The following ASTN2 variants were observed in gnomAD, a reference collection of about 807,000 sequenced individuals.
ASTN2 encodes the protein astrotactin 2.
A neutral mutation model predicts 139.8 loss-of-function variants in ASTN2; 54 were observed. The observed-to-expected ratio is 0.39, with a 90% CI of 0.31 to 0.48. The LOEUF (loss-of-function observed/expected upper bound fraction) is 0.48, where lower values mean the gene tolerates loss of function less well. Among genes scored for constraint, ASTN2 ranks in the 20% least tolerant of loss-of-function variants. The pLI is 0.95. For synonymous variants in ASTN2, 756 were observed against 719.5 expected (o/e 1.05, Z -0.81); for missense variants, 1,565 against 1,725.1 (o/e 0.91, Z 1.64).
intron 3 of ASTN2, among the ~76,000 whole-genome samples, chr9:117,188,575 G>C (rs1186948199): frequency 6.6e-6 from 1 of 152,126 alleles, no homozygotes; most frequent in Non-Finnish European, 1.5e-5. Context: ...AAACATCGTA[G>C]CTGGGAACTC....
In ASTN2 at chr9:116,699,389, C is replaced by G; in HGVS notation, c.2806+26382G>C. On this transcript the variant is annotated intron_variant, in intron 16 of 22. Transcript: ENST00000313400. The surrounding 1 kb of genome is among the most constrained non-coding windows in gnomAD (Gnocchi z 4.2). ...AGAATGAGCACCACCTGGAGGGTGG[C>G]TTTTCCATTGGCTCTGTAGGCCCTG... 6.2e-7 allele frequency: 1 copy of G among 1,614,170 alleles called. No homozygotes were observed. Among genetic ancestry groups the G allele is most frequent in the Middle Eastern group, 1.6e-4 (1 of 6,062 alleles).
intron 4 of ASTN2, among the ~76,000 whole-genome samples, chr9:117,097,372 C>A (rs1828866327): frequency 6.6e-6 from 1 of 152,178 alleles, no homozygotes; most frequent in South Asian, 2.1e-4. Context: ...TTATTGTTAT[C>A]TTTGTGCTTT....
intron 1 of ASTN2, among the ~76,000 whole-genome samples, chr9:117,411,446 C>CAAAAA (rs199996219): frequency 4.4e-4 from 19 of 43,226 alleles, no homozygotes; most frequent in African/African-American, 8.7e-4. Context: ...AAAGGATCTG[C>CAAAAA]AAAAAAAAAA....
At chr9:116,751,663 G>A (rs1469402157) in intron 13 of ASTN2, among the ~76,000 whole-genome samples, 3 of 152,056 alleles carry the variant, frequency 2.0e-5, no homozygotes, top group South Asian at 4.1e-4. Flanking sequence ...ATTATGACAA[G>A]CTTGTAGGAT....
At chr9:116,569,198 C>G (rs4836765) in intron 19 of ASTN2, among the ~76,000 whole-genome samples, 24,216 of 152,124 alleles carry the variant, frequency 0.16, 2,103 homozygotes, top group African/African-American at 0.21. Flanking sequence ...AGACGGGCCT[C>G]GTTTGCATGC....
chr9:117,113,144 T>C (rs573337320), intron 4 of ASTN2, among the ~76,000 whole-genome samples: 2 of 152,284 alleles, frequency 1.3e-5, no homozygotes, highest in South Asian at 2.1e-4. Context: ...GATGAAAACA[T>C]GCATCATGTA....
intron 2 of ASTN2, among the ~76,000 whole-genome samples, chr9:117,219,980 G>A (rs1206986820): frequency 6.6e-6 from 1 of 152,164 alleles, no homozygotes; most frequent in East Asian, 1.9e-4. Flanking sequence ...GCTGTGACAA[G>A]TTCATTACAT....
chr9:117,012,128 T>G (rs6478270), intron 6 of ASTN2, among the ~76,000 whole-genome samples: 2,868 of 152,176 alleles, frequency 0.019, 85 homozygotes, highest in African/African-American at 0.066. Flanking sequence ...CATGCTTGAC[T>G]AGAGGGAAGT....
chr9:116,547,106 C>T (rs1587978396), intron 19 of ASTN2, among the ~76,000 whole-genome samples: 1 of 152,152 alleles, frequency 6.6e-6, no homozygotes, highest in African/African-American at 2.4e-5. Context: ...CCTCCCCTTC[C>T]ACTCCTCCAC....
At chr9:117,161,682 C>T (rs4535814) in intron 3 of ASTN2, among the ~76,000 whole-genome samples, 26 of 152,158 alleles carry the variant, frequency 1.7e-4, no homozygotes, top group African/African-American at 6.0e-4. Flanking sequence ...GCATGAACCC[C>T]TGTGCAGGCT....
rs538453745 is a variant in ASTN2 at position 116,779,320 on chromosome 9, G to T, written c.2396+26312C>A. On this transcript the variant is annotated intron_variant, in intron 13 of 22. Coordinates refer to ENST00000313400, the MANE Select transcript of ASTN2 (RefSeq NM_001365068.1). ...CCTTTTTTCCCCTTCTGTCCCTTTT[G>T]CCAGGTGAGGACACAGCATCCCTTT... Among the ~76,000 whole-genome samples, 18 of 152,142 alleles carry T rather than the reference G, an allele frequency of 1.2e-4. No individual in the cohort carries two copies. The East Asian group carries it at 3.5e-3, about 29-fold the overall frequency.
chr9:116,623,536 A>G (rs777906988), intron 17 of ASTN2, among the ~76,000 whole-genome samples: 33 of 152,104 alleles, frequency 2.2e-4, no homozygotes, highest in African/African-American at 2.7e-4. Context: ...CCAGAGTCCA[A>G]TTAGATCCCG....
intron 19 of ASTN2, chr9:116,584,035 TGA>T (rs1252753580): frequency 6.6e-6 from 1 of 152,192 alleles, no homozygotes; most frequent in Admixed American, 6.5e-5. Flanking sequence ...ATTAGATCTG[TGA>T]GCTCACAAAG....
rs1184248404 is a variant in ASTN2, at chr9:117,066,426, C to T, written c.1277-26461G>A. ...CTTAATCCAGTCTATCATTGTTGGA[C>T]ATTTGGGTTGGTTCCAAGTCTTTGC... On this transcript the variant is annotated intron_variant, in intron 5 of 22. Coordinates refer to ENST00000313400, the MANE Select transcript of ASTN2 (RefSeq NM_001365068.1). Among the ~76,000 whole-genome samples the T allele has an allele frequency of 4.0e-3, 586 of 147,828 alleles. 8 individuals are homozygous for T. The highest frequency in any genetic ancestry group is 0.014 in the African/African-American group (558 of 39,898).
intron 19 of ASTN2, among the ~76,000 whole-genome samples, chr9:116,549,875 C>T (rs1031686151): frequency 1.3e-5 from 2 of 151,114 alleles, no homozygotes; most frequent in African/African-American, 4.9e-5. Context: ...TTCTACACTA[C>T]CCATAAAGCC....
At chr9:116,791,087 T>C (rs1340044659) in intron 13 of ASTN2, among the ~76,000 whole-genome samples, 2 of 151,958 alleles carry the variant, frequency 1.3e-5, no homozygotes, top group African/African-American at 4.8e-5. Context: ...ACTCCTGGCC[T>C]CTAGTGATCC....
chr9:116,595,668 C>T (rs1450330358), intron 19 of ASTN2, among the ~76,000 whole-genome samples: 1 of 152,006 alleles, frequency 6.6e-6, no homozygotes, highest in African/African-American at 2.4e-5. Flanking sequence ...CATTAGATAC[C>T]TTTCTGCTTG....
chr9:116,949,121 G>A (rs187076828), intron 10 of ASTN2, among the ~76,000 whole-genome samples: 6 of 151,914 alleles, frequency 3.9e-5, no homozygotes, highest in Non-Finnish European at 8.8e-5. Context: ...AATAAGACTA[G>A]TACTTCTCAA....
rs1854448549 is a variant in ASTN2 at position 116,593,383 on chromosome 9, C to T, written c.3355+24941G>A. On this transcript the variant is annotated intron_variant, in intron 19 of 22. Transcript: ENST00000313400. ...ATTAATAAAAATTATCAAACTGTCC[C>T]AGTTGGTGGAGTAGAATGCTAATGC... Among the ~76,000 whole-genome samples, 4 of 152,212 alleles carry T rather than the reference C, an allele frequency of 2.6e-5. No individual in the cohort carries two copies. The South Asian group carries it at 8.3e-4, about 32-fold the overall frequency.
Sources: allele counts gnomAD v4.1 joint callset (sites outside exome capture counted in the v4.1 genomes callset), GRCh38; gene constraint gnomAD v4.1.1; non-coding constraint Gnocchi (gnomAD v3.1); transcripts MANE v1.5; gene names NCBI Gene and HGNC (gene_info 2026-07-23, HGNC 2026-07-21).